Variants in THADA observed in about 807,000 individuals in gnomAD.
THADA encodes THADA armadillo repeat containing.
Under a neutral mutation model 219.8 loss-of-function variants are expected in THADA, and 213 were observed. The ratio of observed to expected loss-of-function variants is 0.97; its 90% CI spans 0.87 to 1.09. The LOEUF (loss-of-function observed/expected upper bound fraction) is 1.09. Ranked by LOEUF, THADA falls within the 50% of genes least tolerant of loss-of-function variation. THADA has a pLI of 0.00. For missense variants in THADA, 2,956 were observed against 2,311.3 expected (o/e 1.28, Z -5.72); for synonymous variants, 1,018 against 828.9 (o/e 1.23, Z -3.92).
chr2:43,325,928 T>C (rs1679271040), intron 30 of THADA, among the ~76,000 whole-genome samples: 1 of 152,340 alleles, frequency 6.6e-6, no homozygotes, highest in East Asian at 1.9e-4. Context: ...ATGGCATCAA[T>C]AGGGTTATGC....
chr2:43,369,397 G>C (rs1371663119), intron 29 of THADA, among the ~76,000 whole-genome samples: 1 of 152,134 alleles, frequency 6.6e-6, no homozygotes, highest in Non-Finnish European at 1.5e-5. Context: ...TTTTCTTAGT[G>C]CTCTTCATGG....
At chr2:43,293,974 G>T (rs1421216600) in intron 31 of THADA, among the ~76,000 whole-genome samples, 1 of 152,192 alleles carries the variant, frequency 6.6e-6, no homozygotes, top group Non-Finnish European at 1.5e-5. Context: ...GCATCACACT[G>T]TTGACTCATA....
intron 1 of THADA, among the ~76,000 whole-genome samples, chr2:43,594,429 C>T (rs1447154262): frequency 1.3e-5 from 2 of 151,810 alleles, no homozygotes; most frequent in Non-Finnish European, 2.9e-5. Flanking sequence ...ACTAAAAATA[C>T]AAAAATTAGC....
chr2:43,333,940 G>A (rs1469739484), intron 30 of THADA, among the ~76,000 whole-genome samples: 1 of 152,208 alleles, frequency 6.6e-6, no homozygotes, highest in Non-Finnish European at 1.5e-5. Flanking sequence ...TGCCTGGGAA[G>A]TGTAAGTCTC....
Position 43,415,807 on chromosome 2 carries a change from G to A in THADA, c.4058+12293C>T, listed in dbSNP as rs114580203. 3.8e-3 allele frequency among the ~76,000 whole-genome samples: 585 copies of A among 152,208 alleles called. 2 individuals are homozygous for A. The highest frequency in any genetic ancestry group is 0.013 in the African/African-American group (560 of 41,522). On this transcript the variant is annotated intron_variant, in intron 28 of 37. Coordinates refer to ENST00000405975, the MANE Select transcript of THADA (RefSeq NM_022065.5). ...GCTGCTCTGCTGGCTAGCTTTCAAC[G>A]GGGAATTCTATCAGGACATGGCATT... is the stretch of plus-strand genomic sequence containing the variant.
intron 31 of THADA, among the ~76,000 whole-genome samples, chr2:43,302,828 GA>G (rs1676421387): frequency 6.6e-6 from 1 of 152,108 alleles, no homozygotes; most frequent in African/African-American, 2.4e-5. Context: ...GAGGCAGGAG[GA>G]TTGCTTGAGC....
In THADA at chr2:43,231,306, T is replaced by G. The variant is rs746648119; in HGVS notation, c.5504A>C (p.Asn1835Thr). ...AAAGATCAGGGTCTCGGCCCAAAAG[T>G]TGACTTCTGCTTTTTCAAACAGGTA... ...EDYLFEKAEVNFWAETLIFVK... is the reference protein window; with the variant it reads ...EDYLFEKAEVTFWAETLIFVK... The change falls in exon 38 of 38, where the codon AAC becomes ACC. Residue 1835 changes from asparagine (N) to threonine (T), a missense_variant. Physicochemically the swap from Asn to Thr is moderately conservative, Grantham distance 65 (BLOSUM62 0). Transcript: ENST00000405975. The G allele has an allele frequency of 3.6e-5, 56 of 1,572,450 alleles. No individual in the cohort carries two copies. The highest frequency in any genetic ancestry group is 4.4e-5 in the Non-Finnish European group (51 of 1,163,846).
chr2:43,232,829 C>G lies in THADA; in HGVS notation c.5350G>C (p.Val1784Leu), dbSNP rs201032063. Residue 1784 changes from valine (V) to leucine (L), a missense_variant, in exon 37 of 38, where the codon GTC (valine) becomes CTC (leucine). By Grantham distance (32) the Val-to-Leu change is conservative. Transcript: ENST00000405975. ...ASIALALALA[V>L]LCDLLQQWDQ... ...CACTGCTGGAGCAGATCACACAGGA[C>G]GGCCAGGGCCAGGGCCAGAGCGATG... is the stretch of plus-strand genomic sequence containing the variant. 1 of 1,612,734 alleles carries G rather than the reference C, an allele frequency of 6.2e-7. No individual in the cohort carries two copies. Among genetic ancestry groups the G allele is most frequent in the East Asian group, 2.2e-5 (1 of 44,868 alleles).
chr2:43,266,096 C>T lies in THADA; in HGVS notation c.5296+13669G>A, dbSNP rs868799164. On this transcript the variant is annotated intron_variant, in intron 36 of 37. Transcript: ENST00000405975. ...TTTCTGGTGTGATGGGACTGGGTTG[C>T]CTGGGGAGCCCTTACCAACCTGTCC... 2.6e-5 allele frequency among the ~76,000 whole-genome samples: 4 copies of T among 152,128 alleles called. No individual in the cohort carries two copies. The Middle Eastern group carries it at 0.01, about 388-fold the overall frequency.
In THADA at chr2:43,524,681, C is replaced by G. The variant is rs966153109; in HGVS notation, c.3374+3198G>C. The stretch of plus-strand genomic sequence containing the variant: ...GATGTTCTCTGCAAAACATTCTGTT[C>G]AGCAGATTTGAAATGTCTCTAAAGG... On this transcript the variant is annotated intron_variant, in intron 22 of 37. Transcript: ENST00000405975. 3.9e-5 allele frequency among the ~76,000 whole-genome samples: 6 copies of G among 152,312 alleles called. No individual in the cohort carries two copies. In the East Asian group the frequency reaches 1.2e-3, roughly 29 times the overall value.
chr2:43,310,226 G>T (rs113964896), intron 31 of THADA, among the ~76,000 whole-genome samples: 2 of 54,082 alleles, frequency 3.7e-5, no homozygotes, highest in African/African-American at 1.3e-4. Flanking sequence ...TCCCTTTCCC[G>T]CCCCCCCCCC....
intron 35 of THADA, among the ~76,000 whole-genome samples, chr2:43,282,307 G>T (rs906562829): frequency 2.0e-5 from 3 of 152,092 alleles, no homozygotes; most frequent in African/African-American, 7.2e-5. Context: ...TGTCTCTCTG[G>T]CTGTAAGAAA....
At chr2:43,472,357 C>T (rs1168891140) in intron 26 of THADA, among the ~76,000 whole-genome samples, 4 of 152,174 alleles carry the variant, frequency 2.6e-5, no homozygotes, top group Admixed American at 6.5e-5. Flanking sequence ...CTGCAGACAG[C>T]CCACAGAAAT....
In THADA at chr2:43,264,130, T is replaced by C. The variant is rs192468057; in HGVS notation, c.5296+15635A>G. On this transcript the variant is annotated intron_variant, in intron 36 of 37. Coordinates refer to ENST00000405975, the MANE Select transcript of THADA (RefSeq NM_022065.5). ...GCTATGTCACGGGGCACCTTGCCTA[T>C]TGGGGACTGATTTTTTTTTTTAAAG... is the stretch of plus-strand genomic sequence containing the variant. Among the ~76,000 whole-genome samples the C allele has an allele frequency of 2.6e-4, 40 of 152,208 alleles. 1 individual carries two copies. Among genetic ancestry groups the C allele is most frequent in the South Asian group, 6.2e-4 (3 of 4,816 alleles).
At chr2:43,435,006 G>C (rs1182721293) in intron 26 of THADA, among the ~76,000 whole-genome samples, 1 of 152,190 alleles carries the variant, frequency 6.6e-6, no homozygotes, top group African/African-American at 2.4e-5. Flanking sequence ...CTACAGGTTT[G>C]AGCAGCTGGG....
chr2:43,373,198 AC>A (rs1233373445), intron 29 of THADA, among the ~76,000 whole-genome samples: 1 of 152,244 alleles, frequency 6.6e-6, no homozygotes, highest in Non-Finnish European at 1.5e-5. Flanking sequence ...AGGGGAGTGT[AC>A]AAAATAATGA....
intron 33 of THADA, 125 bp downstream of exon 33, chr2:43,291,979 G>A (rs550099549): frequency 2.6e-6 from 2 of 773,012 alleles, no homozygotes; most frequent in Admixed American, 3.1e-5. Flanking sequence ...GAACTCTTAG[G>A]CTGAGGTTTA....
intron 36 of THADA, among the ~76,000 whole-genome samples, chr2:43,265,486 C>T (rs539420306): frequency 1.3e-5 from 2 of 152,276 alleles, no homozygotes; most frequent in Non-Finnish European, 2.9e-5. Context: ...AGACTTGTGC[C>T]GGGCCCTTTC....
At position 43,510,032 on chromosome 2, in the gene THADA, G is replaced by C. The variant is rs139871369; in HGVS notation, c.3375-1252C>G. On this transcript the variant is annotated intron_variant, in intron 22 of 37. Coordinates refer to ENST00000405975, the MANE Select transcript of THADA (RefSeq NM_022065.5). ...AAATGTAGTGTGTGAACCTTGCTTA[G>C]ATCTTGATTTGAACAATGAAATGTA... 7.0e-4 allele frequency among the ~76,000 whole-genome samples: 107 copies of C among 152,238 alleles called. No individual in the cohort carries two copies. In the Middle Eastern group the frequency reaches 0.01, roughly 15 times the overall value.
Sources: allele counts gnomAD v4.1 joint callset (sites outside exome capture counted in the v4.1 genomes callset), GRCh38; gene constraint gnomAD v4.1.1; transcripts MANE v1.5; gene names NCBI Gene and HGNC (gene_info 2026-07-23, HGNC 2026-07-21).